FGF12: variants seen among roughly 807,000 people sequenced by gnomAD.
The protein encoded by FGF12 is fibroblast growth factor 12B.
In FGF12, 14 loss-of-function variants were observed where a neutral mutation model predicts 23.6. The ratio of observed to expected loss-of-function variants is 0.59; its 90% CI spans 0.39 to 0.93. The LOEUF (loss-of-function observed/expected upper bound fraction) is 0.93. FGF12 is among the 40% of genes least tolerant of loss of function. The probability of loss-of-function intolerance (pLI) is 0.00; values close to 1 mark genes in which losing one functional copy is unlikely to be tolerated. For missense variants in FGF12, 175 were observed against 217.8 expected (o/e 0.80, Z 1.24); for synonymous variants, 62 against 77.3 (o/e 0.80, Z 1.04).
At chr3:192,509,093 A>G (rs1724396494) in intron 2 of FGF12, among the ~76,000 whole-genome samples, 1 of 152,106 alleles carries the variant, frequency 6.6e-6, no homozygotes, top group Admixed American at 6.5e-5. Context: ...GAAAATGGCA[A>G]TCTCTGAAGC....
chr3:192,699,311 A>T (rs1718222514), intron 2 of FGF12, among the ~76,000 whole-genome samples: 1 of 152,160 alleles, frequency 6.6e-6, no homozygotes, highest in South Asian at 2.1e-4. Context: ...CTTTAAACTT[A>T]TCTACTCTTC....
chr3:192,461,412 G>A (rs1163998283), intron 2 of FGF12, among the ~76,000 whole-genome samples: 1 of 152,090 alleles, frequency 6.6e-6, no homozygotes, highest in Admixed American at 6.5e-5. Context: ...CCCAAATTAG[G>A]TTAAATACCC....
intron 5 of FGF12, among the ~76,000 whole-genome samples, chr3:192,161,426 A>C (rs1417045199): frequency 6.6e-6 from 1 of 152,018 alleles, no homozygotes; most frequent in African/African-American, 2.4e-5. Flanking sequence ...ATTCATAAGA[A>C]GTTACACACA....
At chr3:192,583,058 C>T (rs1713226529) in intron 2 of FGF12, among the ~76,000 whole-genome samples, 1 of 152,206 alleles carries the variant, frequency 6.6e-6, no homozygotes, top group Non-Finnish European at 1.5e-5. Flanking sequence ...AGCTAGGTCA[C>T]ATCACATCTC....
At chr3:192,611,840 G>C (rs998510074) in intron 2 of FGF12, among the ~76,000 whole-genome samples, 2 of 151,936 alleles carry the variant, frequency 1.3e-5, no homozygotes, top group Non-Finnish European at 2.9e-5. Flanking sequence ...ATCTGTGAAA[G>C]GTTAATAGCT....
intron 2 of FGF12, among the ~76,000 whole-genome samples, chr3:192,524,180 A>G (rs750425878): frequency 1.3e-5 from 2 of 152,326 alleles, no homozygotes; most frequent in African/African-American, 4.8e-5. Context: ...TCCAAAAGAC[A>G]CTATGATGCT....
chr3:192,449,348 T>C (rs147036291), intron 2 of FGF12, among the ~76,000 whole-genome samples: 219 of 152,236 alleles, frequency 1.4e-3, no homozygotes, highest in East Asian at 9.1e-3. Flanking sequence ...TACTCACAAA[T>C]TGTGGTGCTC....
intron 2 of FGF12, chr3:192,673,301 T>C (rs1366108534): frequency 6.6e-6 from 1 of 151,038 alleles, no homozygotes; most frequent in Non-Finnish European, 1.5e-5. Context: ...AACACTGTAA[T>C]ACAGAGACAA....
intron 4 of FGF12, among the ~76,000 whole-genome samples, chr3:192,249,036 C>T (rs942706208): frequency 1.3e-5 from 2 of 152,068 alleles, no homozygotes; most frequent in African/African-American, 4.8e-5. Context: ...TCAACCATGA[C>T]TAAAATGAAA....
chr3:192,726,580 T>C (rs1326015681), intron 2 of FGF12, among the ~76,000 whole-genome samples: 1 of 152,172 alleles, frequency 6.6e-6, no homozygotes, highest in Non-Finnish European at 1.5e-5. Flanking sequence ...AACTAGTAAA[T>C]GCATTATGCT....
At chr3:192,698,825 C>T (rs774254885) in intron 2 of FGF12, among the ~76,000 whole-genome samples, 14 of 152,192 alleles carry the variant, frequency 9.2e-5, no homozygotes, top group Non-Finnish European at 2.1e-4. Context: ...AGGTGAGAAT[C>T]ACCTCCATTT....
At chr3:192,518,939 G>A (rs907040578) in intron 2 of FGF12, among the ~76,000 whole-genome samples, 6 of 147,304 alleles carry the variant, frequency 4.1e-5, no homozygotes, top group Admixed American at 1.4e-4. Context: ...CTTCATCTTC[G>A]TTATCTCCTT....
intron 4 of FGF12, among the ~76,000 whole-genome samples, chr3:192,196,260 C>T (rs546349512): frequency 3.0e-4 from 45 of 150,198 alleles, no homozygotes; most frequent in African/African-American, 9.6e-4. Context: ...CCTCAATGGA[C>T]GGATGAAAAA....
chr3:192,603,213 G>A (rs778623485), intron 2 of FGF12, among the ~76,000 whole-genome samples: 2 of 152,174 alleles, frequency 1.3e-5, no homozygotes, highest in South Asian at 2.1e-4. Context: ...GAAATCAAAG[G>A]CATCCAAATA....
intron 2 of FGF12, among the ~76,000 whole-genome samples, chr3:192,518,963 A>G (rs1416260612): frequency 1.3e-5 from 2 of 150,632 alleles, no homozygotes; most frequent in African/African-American, 2.5e-5. Flanking sequence ...TTATTTTCCA[A>G]ACTTTTTTAT....
At chr3:192,226,477 C>A (rs140411364) in intron 4 of FGF12, among the ~76,000 whole-genome samples, 31 of 152,204 alleles carry the variant, frequency 2.0e-4, no homozygotes, top group African/African-American at 7.0e-4. Context: ...TTACTGCAGC[C>A]ATTAATAAGT....
intron 2 of FGF12, among the ~76,000 whole-genome samples, chr3:192,440,977 A>G (rs1380350396): frequency 1.3e-5 from 2 of 152,230 alleles, no homozygotes; most frequent in African/African-American, 4.8e-5. Flanking sequence ...AAAATGCTCT[A>G]GGATAAAGGA....
chr3:192,357,683 T>C (rs1273031409), intron 3 of FGF12, among the ~76,000 whole-genome samples: 1 of 152,196 alleles, frequency 6.6e-6, no homozygotes, highest in African/African-American at 2.4e-5. Flanking sequence ...GACCATTCAT[T>C]CTAGGTTCTA....
At chr3:192,400,651 A>C (rs1560100005) in intron 2 of FGF12, among the ~76,000 whole-genome samples, 1 of 152,092 alleles carries the variant, frequency 6.6e-6, no homozygotes, top group East Asian at 1.9e-4. Context: ...ATGGGTGTGA[A>C]CCACCGCACC....
Sources: gnomAD v4.1 joint callset for allele counts (sites outside exome capture counted in the v4.1 genomes callset) on GRCh38, gnomAD v4.1.1 for gene constraint, MANE v1.5 for transcripts, NCBI Gene and HGNC (gene_info 2026-07-23, HGNC 2026-07-21) for gene names.